EYS: variants seen among roughly 807,000 people sequenced by gnomAD.
The protein encoded by EYS is EGF-like photoreceptor maintenance factor.
A neutral mutation model predicts 282.1 loss-of-function variants in EYS; 250 were observed. The ratio of observed to expected loss-of-function variants is 0.89; its 90% CI spans 0.80 to 0.98. The LOEUF is 0.98. Among genes scored for constraint, EYS ranks in the 50% least tolerant of loss-of-function variants. EYS has a pLI of 0.00. For synonymous variants in EYS, 1,355 were observed against 1,282.9 expected (o/e 1.06, Z -1.20); for missense variants, 4,016 against 3,709.0 (o/e 1.08, Z -2.15).
intron 22 of EYS, among the ~76,000 whole-genome samples, chr6:64,766,167 A>C (rs1024131754): frequency 6.6e-6 from 1 of 151,222 alleles, no homozygotes; most frequent in Admixed American, 6.6e-5. Flanking sequence ...ACCTCAGGGG[A>C]TCCGCCTGGC....
chr6:64,338,789 T>C (rs925226077), intron 29 of EYS, among the ~76,000 whole-genome samples: 6 of 151,936 alleles, frequency 3.9e-5, no homozygotes, highest in Admixed American at 2.6e-4. Flanking sequence ...CATAGGCACA[T>C]AGACCAATGG....
intron 26 of EYS, among the ~76,000 whole-genome samples, chr6:64,566,486 G>C (rs1184597241): frequency 6.6e-6 from 1 of 151,994 alleles, no homozygotes; most frequent in African/African-American, 2.4e-5. Flanking sequence ...AGCAAATCTG[G>C]ATAAAATGCA....
intron 29 of EYS, among the ~76,000 whole-genome samples, chr6:64,388,155 C>A (rs1253289702): frequency 6.6e-6 from 1 of 152,034 alleles, no homozygotes; most frequent in Non-Finnish European, 1.5e-5. Context: ...AGCTTTCAAG[C>A]TATTTTCCTT....
intron 5 of EYS, among the ~76,000 whole-genome samples, chr6:65,486,293 G>A (rs73743908): frequency 0.017 from 2,547 of 152,276 alleles, 70 homozygotes; most frequent in African/African-American, 0.058. Context: ...ATGGCATAAT[G>A]TGCTTTTTTT....
intron 36 of EYS, among the ~76,000 whole-genome samples, chr6:63,847,575 A>T (rs1036770627): frequency 6.6e-6 from 1 of 152,196 alleles, no homozygotes; most frequent in African/African-American, 2.4e-5. Flanking sequence ...TACCCAGTTA[A>T]ATTATTTTGA....
chr6:64,651,459 A>G (rs989002047), intron 22 of EYS, among the ~76,000 whole-genome samples: 12 of 152,216 alleles, frequency 7.9e-5, no homozygotes, highest in Admixed American at 1.3e-4. Flanking sequence ...AAGAGAGAAT[A>G]TGAAAGATAA....
At chr6:64,120,348 T>C (rs1436721134) in intron 31 of EYS, among the ~76,000 whole-genome samples, 4 of 109,904 alleles carry the variant, frequency 3.6e-5, no homozygotes, top group Non-Finnish European at 6.7e-5. Context: ...AGAGCGAGAC[T>C]CCATCTCTTA....
intron 3 of EYS, 57 bp downstream of exon 3, chr6:65,495,802 T>C: frequency 4.7e-6 from 1 of 213,674 alleles, no homozygotes; most frequent in Non-Finnish European, 9.4e-6. Context: ...AAGCTTTATA[T>C]AGTCACCTGA....
chr6:63,967,897 T>A (rs1397692322), intron 35 of EYS, among the ~76,000 whole-genome samples: 1 of 152,150 alleles, frequency 6.6e-6, no homozygotes, highest in African/African-American at 2.4e-5. Context: ...TGGTATCTCC[T>A]CCCTCAAAAA....
chr6:65,611,156 G>A (rs1039045275), intron 2 of EYS, among the ~76,000 whole-genome samples: 7 of 148,564 alleles, frequency 4.7e-5, no homozygotes, highest in South Asian at 2.1e-4. Context: ...TCAAATAACC[G>A]TGTGGGTATA....
chr6:65,168,292 A>T (rs1414616001), intron 12 of EYS, among the ~76,000 whole-genome samples: 2 of 151,326 alleles, frequency 1.3e-5, no homozygotes, highest in Non-Finnish European at 3.0e-5. Flanking sequence ...GCAAAAAATA[A>T]GATGGCTTGA....
chr6:65,058,433 G>GTAATTAGCAAATTATTT (rs1554147201), intron 12 of EYS, among the ~76,000 whole-genome samples: 1 of 151,400 alleles, frequency 6.6e-6, no homozygotes, highest in Non-Finnish European at 1.5e-5. Flanking sequence ...TTACAGACAT[G>GTAATTAGCAAATTATTT]GGCCACTGAG....
intron 22 of EYS, among the ~76,000 whole-genome samples, chr6:64,678,578 A>T (rs1769779581): frequency 6.6e-6 from 1 of 152,202 alleles, no homozygotes; most frequent in Admixed American, 6.5e-5. Flanking sequence ...ACTCCGTCTT[A>T]AAAACAGAAA....
intron 36 of EYS, among the ~76,000 whole-genome samples, chr6:63,841,065 C>T (rs1165651837): frequency 6.6e-6 from 1 of 152,098 alleles, no homozygotes; most frequent in Non-Finnish European, 1.5e-5. Context: ...ATGTTAATGT[C>T]AAATTTAATA....
At chr6:65,459,970 A>ATATT (rs1764763508) in intron 5 of EYS, among the ~76,000 whole-genome samples, 1 of 13,746 alleles carries the variant, frequency 7.3e-5, no homozygotes, top group Non-Finnish European at 1.1e-4. Context: ...TGTGTATTTT[A>ATATT]TATATATATA....
chr6:65,130,822 A>C (rs1350177677), intron 12 of EYS, among the ~76,000 whole-genome samples: 2 of 151,470 alleles, frequency 1.3e-5, no homozygotes, highest in African/African-American at 4.8e-5. Flanking sequence ...AAGAAAAAGT[A>C]CATCCCCATA....
chr6:65,098,534 T>C (rs1467353443), intron 12 of EYS, among the ~76,000 whole-genome samples: 1 of 150,810 alleles, frequency 6.6e-6, no homozygotes, highest in African/African-American at 2.4e-5. Flanking sequence ...AATGACAATA[T>C]GTACCAGCAG....
At position 64,670,547 on chromosome 6, in the gene EYS, A is replaced by T. The variant is rs369887279; in HGVS notation, c.3444-44302T>A. 5.9e-5 allele frequency among the ~76,000 whole-genome samples: 9 copies of T among 152,312 alleles called. No homozygotes were observed. In the East Asian group the frequency reaches 1.7e-3, roughly 29 times the overall value. Reference sequence around the variant, plus strand: ...TGCATTCGCACAGCTTCAGTTGTTTACACTTCAAAACATAGAGTATGAGAC... The same window carrying T: ...TGCATTCGCACAGCTTCAGTTGTTTTCACTTCAAAACATAGAGTATGAGAC... On this transcript the variant is annotated intron_variant, in intron 22 of 42. Coordinates refer to ENST00000503581, the MANE Select transcript of EYS (RefSeq NM_001142800.2).
chr6:65,490,895 A>T (rs975627257), intron 4 of EYS, among the ~76,000 whole-genome samples, 188 bp from the exon 5 acceptor site: 1 of 152,074 alleles, frequency 6.6e-6, no homozygotes, highest in Admixed American at 6.6e-5. Flanking sequence ...TAAGTTTTTC[A>T]TCTTCTGACC....
Sources: allele counts gnomAD v4.1 joint callset (sites outside exome capture counted in the v4.1 genomes callset), GRCh38; gene constraint gnomAD v4.1.1; transcripts MANE v1.5; gene names NCBI Gene and HGNC (gene_info 2026-07-23, HGNC 2026-07-21).